Variants in THSD4 observed in about 807,000 individuals in gnomAD.
The protein encoded by THSD4 is thrombospondin type-1 domain-containing protein 4.
In THSD4, 69 loss-of-function variants were observed where a neutral mutation model predicts 119.0. That is an observed-to-expected ratio of 0.58 (90% CI 0.48 to 0.71). The LOEUF is 0.71. Ranked by LOEUF, THSD4 falls within the 30% of genes least tolerant of loss-of-function variation. The pLI, the probability that THSD4 is intolerant of heterozygous loss-of-function variation, is 0.00. For missense variants in THSD4, 1,393 were observed against 1,391.1 expected (o/e 1.00, Z -0.02); for synonymous variants, 524 against 540.4 (o/e 0.97, Z 0.42).
At chr15:71,617,345 A>G (rs1462899085) in intron 7 of THSD4, among the ~76,000 whole-genome samples, 2 of 152,130 alleles carry the variant, frequency 1.3e-5, no homozygotes, top group African/African-American at 4.8e-5. Flanking sequence ...AAATTTTTTT[A>G]ATTAATATCA....
At chr15:71,561,579 G>A (rs2049117665) in intron 7 of THSD4, among the ~76,000 whole-genome samples, 1 of 152,086 alleles carries the variant, frequency 6.6e-6, no homozygotes, top group African/African-American at 2.4e-5. Flanking sequence ...GACAAACATG[G>A]GATCCTAGAG....
chr15:71,630,091 T>C (rs1284744066), intron 7 of THSD4, among the ~76,000 whole-genome samples: 4 of 152,234 alleles, frequency 2.6e-5, no homozygotes, highest in African/African-American at 7.2e-5. Context: ...AATCATGTTC[T>C]TTCTTTTTTA....
chr15:71,304,093 C>T (rs1239398081), intron 6 of THSD4, among the ~76,000 whole-genome samples: 1 of 152,186 alleles, frequency 6.6e-6, no homozygotes, highest in Non-Finnish European at 1.5e-5. Context: ...GGTGAGATGC[C>T]TCTAGCAGTG....
chr15:71,546,678 T>C (rs1430862041), intron 7 of THSD4, among the ~76,000 whole-genome samples: 5 of 152,316 alleles, frequency 3.3e-5, no homozygotes, highest in Middle Eastern at 6.8e-3. Context: ...GAGGGGGATA[T>C]AATGGCTTCC....
intron 8 of THSD4, among the ~76,000 whole-genome samples, chr15:71,677,982 C>T (rs554110164): frequency 6.6e-6 from 1 of 152,162 alleles, no homozygotes; most frequent in South Asian, 2.1e-4. Context: ...ACATTGTCTC[C>T]TAGCCCACTC....
At chr15:71,165,124 A>T (rs2043283479) in intron 3 of THSD4, 1 of 1,611,120 alleles carries the variant, frequency 6.2e-7, no homozygotes, top group Admixed American at 1.7e-5. Context: ...AGGCCGAAGG[A>T]GGCCTCTTGG....
At chr15:71,585,597 CATGGACCTGG>C (rs1223103722) in intron 7 of THSD4, among the ~76,000 whole-genome samples, 2 of 152,204 alleles carry the variant, frequency 1.3e-5, no homozygotes, top group Non-Finnish European at 2.9e-5. Flanking sequence ...ACTTGGGCAT[CATGGACCTGG>C]ATGCTGAATA....
chr15:71,746,032 T>C (rs2053330542), intron 12 of THSD4, among the ~76,000 whole-genome samples: 1 of 152,114 alleles, frequency 6.6e-6, no homozygotes, highest in Non-Finnish European at 1.5e-5. Flanking sequence ...ATTTGCAGAG[T>C]AATAAAAATA....
At chr15:71,111,372 T>C, upstream of THSD4, 1 of 1,613,434 alleles carries the variant, frequency 6.2e-7, no homozygotes, top group South Asian at 1.1e-5. Flanking sequence ...AAGTAGAGAG[T>C]CAGCCCCAGG....
At chr15:71,476,173 G>T (rs2140653046) in intron 7 of THSD4, among the ~76,000 whole-genome samples, 1 of 152,302 alleles carries the variant, frequency 6.6e-6, no homozygotes, top group South Asian at 2.1e-4. Flanking sequence ...AAGAAGTATA[G>T]CTGGGATAAT....
chr15:71,603,905 T>C (rs996564063), intron 7 of THSD4, among the ~76,000 whole-genome samples: 7 of 152,046 alleles, frequency 4.6e-5, no homozygotes, highest in Non-Finnish European at 7.4e-5. Flanking sequence ...TTAAGGAGAA[T>C]TCAGTCCAAG....
In THSD4 at chr15:71,626,850, A is replaced by G. The variant is rs138156964; in HGVS notation, c.1153-33680A>G. ...CTAGCTCTGGAATCAAGGACATACT[A>G]TGTCATTAAATGAGATGGGCAGCTT... On this transcript the variant is annotated intron_variant, in intron 7 of 17. Transcript: ENST00000261862. Among the ~76,000 whole-genome samples, 7 of 152,300 alleles carry G rather than the reference A, an allele frequency of 4.6e-5. No individual in the cohort carries two copies. In the East Asian group the frequency reaches 1.4e-3, roughly 29 times the overall value.
At chr15:71,291,708 A>T (rs1461824107) in intron 6 of THSD4, among the ~76,000 whole-genome samples, 2 of 152,236 alleles carry the variant, frequency 1.3e-5, no homozygotes, top group African/African-American at 4.8e-5. Flanking sequence ...ATGCTTGACC[A>T]AATATCTGGG....
chr15:71,779,470 A>G lies in THSD4; in HGVS notation c.*2096A>G, dbSNP rs1419356063. On this transcript the variant is annotated 3_prime_UTR_variant, in exon 18 of 18. Transcript: ENST00000261862. ...TTTTCATGCTGGAGGGCAGGCTAAG[A>G]TCAATGAGTGGAAGAGAGAAAGGCT... 3 of 152,226 alleles carry G rather than the reference A, an allele frequency of 2.0e-5. No individual in the cohort carries two copies. Among genetic ancestry groups the G allele is most frequent in the East Asian group, 3.9e-4 (2 of 5,194 alleles). 9.4% of individuals were successfully genotyped at this position (152,226 alleles called of 1,614,324 possible). A position where few individuals can be genotyped will look rare whatever the true frequency, so the allele number is the denominator to read the frequency against.
At chr15:71,516,978 C>T (rs992631530) in intron 7 of THSD4, among the ~76,000 whole-genome samples, 1 of 152,130 alleles carries the variant, frequency 6.6e-6, no homozygotes, top group African/African-American at 2.4e-5. Context: ...CCATATTGGG[C>T]AGGGCAGACT....
intron 1 of THSD4, among the ~76,000 whole-genome samples, chr15:71,109,657 T>G (rs937575356): frequency 6.6e-6 from 1 of 151,604 alleles, no homozygotes; most frequent in Admixed American, 6.6e-5. Context: ...CTTTCTTTTA[T>G]GACACCAAAC....
intron 7 of THSD4, among the ~76,000 whole-genome samples, chr15:71,460,736 C>T (rs1214866090): frequency 6.6e-6 from 1 of 152,154 alleles, no homozygotes; most frequent in East Asian, 1.9e-4. Flanking sequence ...AAGATAGCTA[C>T]GTTTCGTATT....
At chr15:71,537,799 G>A (rs2048706459) in intron 7 of THSD4, among the ~76,000 whole-genome samples, 1 of 151,386 alleles carries the variant, frequency 6.6e-6, no homozygotes, top group African/African-American at 2.4e-5. Context: ...TCTCACTCTG[G>A]CCCAGGCTGG....
intron 6 of THSD4, among the ~76,000 whole-genome samples, chr15:71,316,491 TG>T (rs1432533467): frequency 1.3e-5 from 2 of 152,322 alleles, no homozygotes; most frequent in African/African-American, 4.8e-5. Flanking sequence ...AGTCTACCTT[TG>T]TTTAGGGTGA....
Sources: allele counts gnomAD v4.1 joint callset (sites outside exome capture counted in the v4.1 genomes callset), GRCh38; gene constraint gnomAD v4.1.1; transcripts MANE v1.5; gene names NCBI Gene and HGNC (gene_info 2026-07-23, HGNC 2026-07-21).